The following MAP3K20 variants were observed in gnomAD, a reference collection of about 807,000 sequenced individuals.
The protein encoded by MAP3K20 is mitogen-activated protein kinase kinase kinase 20.
In MAP3K20, 40 loss-of-function variants were observed where a neutral mutation model predicts 85.7. The observed-to-expected ratio is 0.47, with a 90% CI of 0.36 to 0.61. The LOEUF is 0.61. MAP3K20 is among the 20% of genes least tolerant of loss of function. MAP3K20 has a pLI of 0.00. For missense variants in MAP3K20, 817 were observed against 961.7 expected (o/e 0.85, Z 1.99); for synonymous variants, 325 against 327.7 (o/e 0.99, Z 0.09).
intron 8 of MAP3K20, among the ~76,000 whole-genome samples, chr2:173,199,207 T>C (rs1690952277): frequency 6.6e-6 from 1 of 152,218 alleles, no homozygotes; most frequent in Non-Finnish European, 1.5e-5. Context: ...AAAGCTGCTA[T>C]TGACTAGGAG....
intron 3 of MAP3K20, among the ~76,000 whole-genome samples, chr2:173,179,751 AAACT>A (rs777828770): frequency 1.9e-4 from 28 of 151,202 alleles, no homozygotes; most frequent in Non-Finnish European, 3.4e-4. Flanking sequence ...AAAGCTACTA[AAACT>A]AACAAACATG....
intron 16 of MAP3K20, among the ~76,000 whole-genome samples, chr2:173,248,190 AACT>A (rs1684964428): frequency 1.3e-5 from 2 of 152,118 alleles, no homozygotes; most frequent in Admixed American, 1.3e-4. Flanking sequence ...TGACAGGGTT[AACT>A]CCCTTGAGAT....
chr2:173,132,822 C>T (rs1269661104), intron 2 of MAP3K20, among the ~76,000 whole-genome samples: 1 of 152,170 alleles, frequency 6.6e-6, no homozygotes, highest in Non-Finnish European at 1.5e-5. Context: ...TGAAGTTAAC[C>T]TTGGTAGCTT....
At position 173,263,786 on chromosome 2, in the gene MAP3K20, G is replaced by T. The variant is rs201232328; in HGVS notation, c.1593G>T (p.Ser531=). The T allele has an allele frequency of 9.0e-5, 145 of 1,612,814 alleles. No homozygotes were observed. In the African/African-American group the frequency reaches 1.8e-3, roughly 20 times the overall value. ...RTPKSTKHVH[S]IQWSRTKPQD... Reference sequence around the variant, plus strand: ...CAAAAAGCACTAAACATGTCCATTCGATTCAGTGGAGTAGAACAAAACCTC... The same window carrying T: ...CAAAAAGCACTAAACATGTCCATTCTATTCAGTGGAGTAGAACAAAACCTC... The change falls in exon 19 of 20, where the codon TCG becomes TCT. Residue 531 remains serine (S), a synonymous_variant. Transcript: ENST00000375213.
rs536689548 is a variant in MAP3K20 at position 173,192,231 on chromosome 2, A to G, written c.582+1054A>G. Among the ~76,000 whole-genome samples, 451 of 152,298 alleles carry G rather than the reference A, an allele frequency of 3.0e-3. 1 individual carries two copies. Among genetic ancestry groups the G allele is most frequent in the Non-Finnish European group, 5.3e-3 (359 of 68,024 alleles). On this transcript the variant is annotated intron_variant, in intron 7 of 19. Transcript: ENST00000375213. ...GTTTTCTTACTGCAGGTGGTAGCCA[A>G]TGACACAAGAGGAGATTCACGTTGT...
intron 18 of MAP3K20, among the ~76,000 whole-genome samples, chr2:173,263,354 G>A (rs1190123100): frequency 6.6e-6 from 1 of 152,150 alleles, no homozygotes; most frequent in African/African-American, 2.4e-5. Flanking sequence ...CTGTCATCAA[G>A]TACTATAAAT....
In MAP3K20 at chr2:173,188,095, A is replaced by G. The variant is rs191341604; in HGVS notation, c.415+472A>G. On this transcript the variant is annotated intron_variant, in intron 5 of 19. Coordinates refer to ENST00000375213, the MANE Select transcript of MAP3K20 (RefSeq NM_016653.3). ...TGTTGATGCCAGTCATGCCTGTATT[A>G]CCTGGAGTAGTGCCCAGAAATGAGC... is the stretch of plus-strand genomic sequence containing the variant. Among the ~76,000 whole-genome samples the G allele has an allele frequency of 3.0e-3, 452 of 152,296 alleles. 1 individual carries two copies. Among genetic ancestry groups the G allele is most frequent in the Non-Finnish European group, 5.3e-3 (359 of 68,016 alleles).
At chr2:173,124,044 G>A (rs1688372668) in intron 2 of MAP3K20, among the ~76,000 whole-genome samples, 1 of 152,154 alleles carries the variant, frequency 6.6e-6, no homozygotes, top group South Asian at 2.1e-4. Flanking sequence ...CTTCATTGCA[G>A]TTAATCACAG....
At chr2:173,208,845 T>G (rs559288161) in intron 9 of MAP3K20, among the ~76,000 whole-genome samples, 33 of 152,352 alleles carry the variant, frequency 2.2e-4, no homozygotes, top group African/African-American at 7.0e-4. Context: ...GAAGAGAGAA[T>G]GTGCATCATC....
At chr2:173,257,379 GTT>G (rs1685185476) in intron 16 of MAP3K20, among the ~76,000 whole-genome samples, 1 of 152,028 alleles carries the variant, frequency 6.6e-6, no homozygotes, top group Admixed American at 6.6e-5. Flanking sequence ...CCATTAATTA[GTT>G]TTGTCTGTTC....
chr2:173,189,123 T>C lies in MAP3K20; in HGVS notation c.415+1500T>C, dbSNP rs140439081. On this transcript the variant is annotated intron_variant, in intron 5 of 19. Transcript: ENST00000375213. ...CTAACTTATAGCAATTCTTTTTCCC[T>C]TGGAAAGGTAACCAGAGTTTCACTT... is the stretch of plus-strand genomic sequence containing the variant. Among the ~76,000 whole-genome samples, 274 of 152,332 alleles carry C rather than the reference T, an allele frequency of 1.8e-3. 1 individual carries two copies. The highest frequency in any genetic ancestry group is 6.2e-3 in the African/African-American group (258 of 41,574).
chr2:173,187,938 T>A (rs1690537705), intron 5 of MAP3K20, among the ~76,000 whole-genome samples: 1 of 152,244 alleles, frequency 6.6e-6, no homozygotes, highest in African/African-American at 2.4e-5. Flanking sequence ...TTCCCTAGAA[T>A]CATTTTCTAA....
intron 3 of MAP3K20, among the ~76,000 whole-genome samples, chr2:173,170,995 G>A (rs879875107): frequency 7.2e-5 from 11 of 152,138 alleles, no homozygotes; most frequent in Non-Finnish European, 1.2e-4. Flanking sequence ...AGTTTAACAT[G>A]CTTTTACTCT....
Position 173,237,629 on chromosome 2 carries a change from G to A in MAP3K20, c.1204-744G>A, listed in dbSNP as rs76632825. Among the ~76,000 whole-genome samples the A allele has an allele frequency of 0.048, 7,290 of 152,144 alleles. 874 individuals carry two copies. In the East Asian group the frequency reaches 0.54, roughly 11 times the overall value. On this transcript the variant is annotated intron_variant, in intron 14 of 19. Transcript: ENST00000375213. ...TTTAAATTGTCTTCCTTTCCTTTCA[G>A]ATTTGTGTTTCATTGGCAGAGGGGA...
intron 7 of MAP3K20, 81 bp downstream of exon 7, chr2:173,191,258 T>TG (rs1158152459): frequency 7.7e-6 from 12 of 1,559,394 alleles, no homozygotes; most frequent in Non-Finnish European, 1.0e-5. Context: ...CAGTTTAACA[T>TG]GGTTTTATTT....
chr2:173,121,443 A>AGTG (rs1574032216), intron 2 of MAP3K20, among the ~76,000 whole-genome samples: 1 of 152,142 alleles, frequency 6.6e-6, no homozygotes, highest in African/African-American at 2.4e-5. Flanking sequence ...GCTGGAGTGC[A>AGTG]GCAGGCAATC....
chr2:173,153,478 C>T (rs1689366956), intron 2 of MAP3K20, among the ~76,000 whole-genome samples: 1 of 152,162 alleles, frequency 6.6e-6, no homozygotes, highest in South Asian at 2.1e-4. Flanking sequence ...CACTGTTTCC[C>T]TGGTGTTCAT....
intron 2 of MAP3K20, among the ~76,000 whole-genome samples, chr2:173,136,268 G>T (rs755095375): frequency 2.0e-5 from 3 of 152,128 alleles, no homozygotes; most frequent in African/African-American, 4.8e-5. Context: ...GGGGTGTGGG[G>T]CTCCTTTTTC....
intron 18 of MAP3K20, among the ~76,000 whole-genome samples, chr2:173,262,602 A>G (rs1001934397): frequency 3.4e-5 from 5 of 146,610 alleles, no homozygotes; most frequent in African/African-American, 2.5e-5. Context: ...CTGTCTCAAA[A>G]AAGAAAAAAA....
Sources: gnomAD v4.1 joint callset for allele counts (sites outside exome capture counted in the v4.1 genomes callset) on GRCh38, gnomAD v4.1.1 for gene constraint, MANE v1.5 for transcripts, NCBI Gene and HGNC (gene_info 2026-07-23, HGNC 2026-07-21) for gene names.